SHOX: variants seen among roughly 807,000 people sequenced by gnomAD.
SHOX encodes short stature homeobox protein.
In SHOX, 12 loss-of-function variants were observed where a neutral mutation model predicts 29.6. The ratio of observed to expected loss-of-function variants is 0.41; its 90% CI spans 0.26 to 0.66. The LOEUF (loss-of-function observed/expected upper bound fraction) is 0.66, where lower values mean the gene tolerates loss of function less well. Among genes scored for constraint, SHOX ranks in the 30% least tolerant of loss-of-function variants. The probability of loss-of-function intolerance (pLI) is 0.35; values close to 1 mark genes in which losing one functional copy is unlikely to be tolerated. For synonymous variants in SHOX, 214 were observed against 200.6 expected, an observed-to-expected ratio of 1.07 and a Z score of -0.57; for missense variants, 499 against 437.7, an observed-to-expected ratio of 1.14 and a Z score of -1.25.
chrX:646,979 T>C lies in SHOX; in HGVS notation c.*2343T>C, dbSNP rs139718870. ...TTTTTTAACCAAAAAGGCTGAGTAA[T>C]TTTGAAAAATCGAAACATAACAGTG... On this transcript the variant is annotated 3_prime_UTR_variant, in exon 5 of 5. Coordinates refer to ENST00000686671, the MANE Select transcript of SHOX (RefSeq NM_000451.4). Among the ~76,000 whole-genome samples the C allele has an allele frequency of 1.4e-3, 212 of 151,930 alleles. 2 individuals carry two copies. Among genetic ancestry groups the C allele is most frequent in the African/African-American group, 4.8e-3 (198 of 41,442 alleles).
intron 1 of SHOX, among the ~76,000 whole-genome samples, chrX:633,333 T>G (rs2052681372): frequency 6.6e-6 from 1 of 151,722 alleles, no homozygotes; most frequent in East Asian, 1.9e-4. Context: ...CTTAGAGAAA[T>G]GAAGGAGGGA....
chrX:640,303 C>T (rs1270803266), intron 2 of SHOX, among the ~76,000 whole-genome samples: 3 of 151,962 alleles, frequency 2.0e-5, no homozygotes, highest in African/African-American at 4.8e-5. Flanking sequence ...CGAGATAGTG[C>T]CACTGCAGTC....
rs2052632816 is a variant in SHOX at position 630,802 on chromosome X, C to T, written c.-96C>T. The T allele has an allele frequency of 4.1e-6, 6 of 1,455,704 alleles. No individual in the cohort carries two copies. Among genetic ancestry groups the T allele is most frequent in the Non-Finnish European group, 4.8e-6 (5 of 1,043,520 alleles). 90.2% of individuals were successfully genotyped at this position (1,455,704 alleles called of 1,614,324 possible). On this transcript the variant is annotated 5_prime_UTR_variant, in exon 1 of 5. Coordinates refer to ENST00000686671, the MANE Select transcript of SHOX (RefSeq NM_000451.4). ...TCCAATGGAAAGGCGTAAATAACAG[C>T]GCTGGTGATCCACCCGCGCGCACGG...
rs892551594 is a variant in SHOX at position 649,474 on chromosome X, C to T, written c.*4838C>T. Among the ~76,000 whole-genome samples the T allele has an allele frequency of 1.3e-5, 2 of 152,148 alleles. No homozygotes were observed. Among genetic ancestry groups the T allele is most frequent in the African/African-American group, 4.8e-5 (2 of 41,430 alleles). ...GAACATTCAGCATGGAAACAACATA[C>T]GTCTCTCCACAGGAGGTGAGAAATT... is the stretch of plus-strand genomic sequence containing the variant. On this transcript the variant is annotated 3_prime_UTR_variant, in exon 5 of 5. Coordinates refer to ENST00000686671, the MANE Select transcript of SHOX (RefSeq NM_000451.4).
chrX:639,956 A>T (rs1163370067), intron 2 of SHOX, among the ~76,000 whole-genome samples: 2 of 151,016 alleles, frequency 1.3e-5, no homozygotes, highest in African/African-American at 2.4e-5. Context: ...AGGTGAGATC[A>T]CACCACTGCA....
chrX:627,809 C>T (rs1424834782), upstream of SHOX, among the ~76,000 whole-genome samples: 5 of 152,066 alleles, frequency 3.3e-5, no homozygotes, highest in Non-Finnish European at 7.4e-5. Flanking sequence ...CTGGGCCTCA[C>T]GGGACCCCCC....
Position 631,113 on chromosome X carries a change from G to A in SHOX, c.216G>A (p.Lys72=), listed in dbSNP as rs747720453. 6.2e-7 allele frequency: 1 copy of A among 1,613,716 alleles called. No homozygotes were observed. Among genetic ancestry groups the A allele is most frequent in the East Asian group, 2.2e-5 (1 of 44,868 alleles). ...GCCACTGCCCGGTGCATTTGTTCAA[G>A]GACCACGTAGACAATGACAAGGAGA... is the stretch of plus-strand genomic sequence containing the variant. ...GGGHCPVHLF[K]DHVDNDKEKL... is the part of the protein sequence containing the mutation. The change falls in exon 1 of 5, where the codon AAG becomes AAA. Residue 72 remains lysine, a synonymous_variant. Transcript: ENST00000686671.
At chrX:624,917 T>C (rs865846932) in intron 1 of SHOX, among the ~76,000 whole-genome samples, 14 of 98,332 alleles carry the variant, frequency 1.4e-4, no homozygotes, top group African/African-American at 4.0e-4. Flanking sequence ...TTCCTTTCTT[T>C]CTTTCTTTCT....
intron 1 of SHOX, among the ~76,000 whole-genome samples, chrX:631,721 G>A (rs1182734255): frequency 6.6e-6 from 1 of 152,160 alleles, no homozygotes; most frequent in Non-Finnish European, 1.5e-5. Flanking sequence ...TAGTAAAGAC[G>A]GGGATTCACC....
At position 650,815 on chromosome X, in the gene SHOX, A is replaced by C. The variant is rs866591271; in HGVS notation, c.*6179A>C. 1.3e-5 allele frequency among the ~76,000 whole-genome samples: 2 copies of C among 151,094 alleles called. No homozygotes were observed. Among genetic ancestry groups the C allele is most frequent in the Admixed American group, 6.6e-5 (1 of 15,146 alleles). Reference sequence around the variant, plus strand: ...ATTAAAAAAAAAAAAAAAAAAAAAAAAAAACTGGTGCCTAATTTATTAAAG... The same window carrying C: ...ATTAAAAAAAAAAAAAAAAAAAAAACAAAACTGGTGCCTAATTTATTAAAG... On this transcript the variant is annotated 3_prime_UTR_variant, in exon 5 of 5. Transcript: ENST00000686671.
At chrX:658,294 G>A (rs1450993105) in intron 5 of SHOX, among the ~76,000 whole-genome samples, 2 of 151,678 alleles carry the variant, frequency 1.3e-5, no homozygotes, top group Non-Finnish European at 2.9e-5. Context: ...CTTTTTAGCG[G>A]GTATTAAAGC....
At chrX:630,083 T>C (rs2052619539), upstream of SHOX, among the ~76,000 whole-genome samples, 1 of 152,070 alleles carries the variant, frequency 6.6e-6, no homozygotes, top group South Asian at 2.1e-4. Context: ...TGGGCTTCTT[T>C]CTGCGGGCGC....
chrX:624,874 C>CT (rs369947125), intron 1 of SHOX, among the ~76,000 whole-genome samples: 1,062 of 26,202 alleles, frequency 0.041, 15 homozygotes, highest in African/African-American at 0.15. Context: ...TTCTTTCTTT[C>CT]TTTCTTTCTT....
upstream of SHOX, among the ~76,000 whole-genome samples, chrX:625,870 GTCTC>G (rs1216618720): frequency 2.7e-5 from 3 of 110,096 alleles, no homozygotes; most frequent in East Asian, 4.7e-4. Flanking sequence ...GTCTATCTCT[GTCTC>G]TCTTTCTCTC....
Position 644,668 on chromosome X carries a change from C to G in SHOX, c.*32C>G, listed in dbSNP as rs1213099147. Reference sequence around the variant, plus strand: ...GCGCAGCCCCCCGCGCGCCCGGACTCCCGGGCTCCGCGCACCCCGCCTGCA... The same window carrying G: ...GCGCAGCCCCCCGCGCGCCCGGACTGCCGGGCTCCGCGCACCCCGCCTGCA... On this transcript the variant is annotated 3_prime_UTR_variant, in exon 5 of 5. Transcript: ENST00000686671. 3.6e-6 allele frequency: 5 copies of G among 1,408,420 alleles called. No individual in the cohort carries two copies. Among genetic ancestry groups the G allele is most frequent in the Non-Finnish European group, 4.6e-6 (5 of 1,092,720 alleles). The allele number at this position is 1,408,420 out of a possible 1,614,324, so 87.2% of individuals were successfully genotyped here.
rs765251991 is a variant in SHOX at position 634,803 on chromosome X, G to C, written c.463G>C (p.Gly155Arg). Residue 155 changes from glycine to arginine, a missense_variant, in exon 2 of 5, where the codon GGG becomes CGG. Physicochemically the swap from Gly to Arg is moderately radical, Grantham distance 125 (BLOSUM62 -2). Transcript: ENST00000686671. ...FMREELSQRL[G>R]LSEARVQVWF... is the part of the protein sequence containing the mutation. ...GCGCGAGGAGCTCAGCCAGCGCCTGGGGCTCTCCGAGGCGCGCGTGCAGGT... is the reference window on the plus strand; with the variant it reads ...GCGCGAGGAGCTCAGCCAGCGCCTGCGGCTCTCCGAGGCGCGCGTGCAGGT... 5.7e-6 allele frequency: 9 copies of C among 1,585,874 alleles called. No homozygotes were observed. Among genetic ancestry groups the C allele is most frequent in the African/African-American group, 1.3e-5 (1 of 74,562 alleles).
At chrX:654,841 C>A (rs926935188), downstream of SHOX, among the ~76,000 whole-genome samples, 4 of 151,982 alleles carry the variant, frequency 2.6e-5, no homozygotes, top group African/African-American at 9.7e-5. Flanking sequence ...CCCGCCACCA[C>A]ACCTGGCTAA....
At chrX:641,885 C>A in intron 4 of SHOX, among the ~76,000 whole-genome samples, 1 of 152,240 alleles carries the variant, frequency 6.6e-6, no homozygotes, top group South Asian at 2.1e-4. Flanking sequence ...GACACCCATT[C>A]CCTTTTCATC....
At chrX:643,608 TGTCCTGG>T (rs2052905789) in intron 4 of SHOX, among the ~76,000 whole-genome samples, 1 of 133,500 alleles carries the variant, frequency 7.5e-6, no homozygotes, top group Non-Finnish European at 1.6e-5. Context: ...GGGGACCTGG[TGTCCTGG>T]GAGAGCCTTG....
Sources: allele counts gnomAD v4.1 joint callset (sites outside exome capture counted in the v4.1 genomes callset), GRCh38; gene constraint gnomAD v4.1.1; transcripts MANE v1.5; gene names NCBI Gene and HGNC (gene_info 2026-07-23, HGNC 2026-07-21).